Variants in PRKCH observed in about 807,000 individuals in gnomAD.
The protein encoded by PRKCH is protein kinase C eta.
In PRKCH, 28 loss-of-function variants were observed where a neutral mutation model predicts 82.5. That is an observed-to-expected ratio of 0.34 (90% CI 0.25 to 0.47). The LOEUF (loss-of-function observed/expected upper bound fraction) is 0.47. Among genes scored for constraint, PRKCH ranks in the 20% least tolerant of loss-of-function variants. The pLI is 1.00. For synonymous variants in PRKCH, 322 were observed against 327.4 expected (o/e 0.98, Z 0.18); for missense variants, 705 against 881.8 (o/e 0.80, Z 2.54).
At chr14:61,401,836 G>C (rs954826105) in intron 2 of PRKCH, among the ~76,000 whole-genome samples, 3 of 152,190 alleles carry the variant, frequency 2.0e-5, no homozygotes, top group Non-Finnish European at 2.9e-5. Context: ...TGATTGAGTT[G>C]TTAGCTGAGC....
intron 2 of PRKCH, among the ~76,000 whole-genome samples, chr14:61,400,344 A>G (rs529082725): frequency 9.9e-5 from 15 of 152,278 alleles, no homozygotes; most frequent in African/African-American, 3.6e-4. Flanking sequence ...CCTGGTGACA[A>G]GTTGTTGATT....
intron 1 of PRKCH, among the ~76,000 whole-genome samples, chr14:61,325,888 C>G (rs2045689129): frequency 6.6e-6 from 1 of 152,042 alleles, no homozygotes; most frequent in South Asian, 2.1e-4. Context: ...TAAGGAAATG[C>G]AAATTAAAAC....
At chr14:61,238,290 C>T (rs1211309429) in intron 1 of PRKCH, among the ~76,000 whole-genome samples, 1 of 152,194 alleles carries the variant, frequency 6.6e-6, no homozygotes, top group East Asian at 1.9e-4. Context: ...TTTACCCACT[C>T]TTGTGCAAAA....
At chr14:61,212,497 C>T (rs1367127505) in intron 1 of PRKCH, among the ~76,000 whole-genome samples, 2 of 152,206 alleles carry the variant, frequency 1.3e-5, no homozygotes, top group African/African-American at 4.8e-5. Flanking sequence ...TCTGGTTCCA[C>T]TCAAAGGATT....
At chr14:61,540,315 T>A (rs1338041433) in intron 12 of PRKCH, among the ~76,000 whole-genome samples, 3 of 152,234 alleles carry the variant, frequency 2.0e-5, no homozygotes, top group Non-Finnish European at 4.4e-5. Flanking sequence ...TCAGATGAAG[T>A]CCTGAGTGTC....
At chr14:61,483,201 CT>C (rs1195257782) in intron 9 of PRKCH, among the ~76,000 whole-genome samples, 1 of 152,256 alleles carries the variant, frequency 6.6e-6, no homozygotes, top group Non-Finnish European at 1.5e-5. Flanking sequence ...GCAGATGCAG[CT>C]TTTTGGGATG....
At chr14:61,318,378 T>G (rs2045580873), upstream of PRKCH, among the ~76,000 whole-genome samples, 1 of 150,182 alleles carries the variant, frequency 6.7e-6, no homozygotes, top group Non-Finnish European at 1.5e-5. Context: ...TTTTTTTTTT[T>G]TTTTTTGTAG....
In PRKCH at chr14:61,391,306, G is replaced by A. The variant is rs773871338; in HGVS notation, c.427+18G>A. 30 of 1,585,874 alleles carry A rather than the reference G, an allele frequency of 1.9e-5. No homozygotes were observed. Among genetic ancestry groups the A allele is most frequent in the Non-Finnish European group, 1.0e-5 (12 of 1,161,330 alleles). ...CACTGAAGGTAAGAATGAGTTTTGG[G>A]TAGTTTCCAGAATACATGTAATCTT... On this transcript the variant is annotated intron_variant, in intron 2 of 13. Transcript: ENST00000332981.
intron 9 of PRKCH, among the ~76,000 whole-genome samples, chr14:61,467,997 T>C (rs1885334252): frequency 1.3e-5 from 2 of 152,214 alleles, no homozygotes; most frequent in African/African-American, 4.8e-5. Context: ...CTGACCTGAC[T>C]GTCCTGCCAA....
intron 12 of PRKCH, among the ~76,000 whole-genome samples, chr14:61,540,380 C>A (rs1487985022): frequency 2.0e-5 from 3 of 152,148 alleles, no homozygotes; most frequent in Non-Finnish European, 4.4e-5. Context: ...ACCTGTCGGT[C>A]CAAGTATCTT....
intron 12 of PRKCH, among the ~76,000 whole-genome samples, chr14:61,539,390 C>A (rs372712296): frequency 1.3e-5 from 2 of 152,116 alleles, no homozygotes; most frequent in African/African-American, 2.4e-5. Context: ...TGCCCCTGCC[C>A]GCTAGAGGAA....
intron 1 of PRKCH, among the ~76,000 whole-genome samples, chr14:61,383,452 A>G (rs1566849313): frequency 6.6e-6 from 1 of 152,098 alleles, no homozygotes; most frequent in Non-Finnish European, 1.5e-5. Context: ...ATGAAAATGT[A>G]AGTAATTGTT....
At chr14:61,236,590 C>G (rs562310526) in intron 1 of PRKCH, among the ~76,000 whole-genome samples, 1 of 152,022 alleles carries the variant, frequency 6.6e-6, no homozygotes, top group South Asian at 2.1e-4. Context: ...AGCCTGTAAT[C>G]CCAGCTACTT....
At chr14:61,192,976 G>A (rs746732817) in intron 1 of PRKCH, among the ~76,000 whole-genome samples, 1 of 152,178 alleles carries the variant, frequency 6.6e-6, no homozygotes, top group South Asian at 2.1e-4. Context: ...ATGAACATGA[G>A]GTGTCTCCAG....
intron 1 of PRKCH, among the ~76,000 whole-genome samples, chr14:61,328,175 G>A (rs983144967): frequency 3.0e-4 from 45 of 150,234 alleles, no homozygotes; most frequent in Admixed American, 6.6e-4. Flanking sequence ...GCGTGAACCC[G>A]GGAAGCGGAG....
At chr14:61,259,225 T>A (rs2045024252) in intron 1 of PRKCH, among the ~76,000 whole-genome samples, 1 of 152,148 alleles carries the variant, frequency 6.6e-6, no homozygotes, top group South Asian at 2.1e-4. Flanking sequence ...AATGAAACAA[T>A]GTGATGGGCC....
Position 61,507,873 on chromosome 14 carries a change from T to G in PRKCH, c.1434-21202T>G, listed in dbSNP as rs1566919991. Among the ~76,000 whole-genome samples, 3 of 152,114 alleles carry G rather than the reference T, an allele frequency of 2.0e-5. No individual in the cohort carries two copies. In the East Asian group the frequency reaches 5.8e-4, roughly 29 times the overall value. On this transcript the variant is annotated intron_variant, in intron 10 of 13. Coordinates refer to ENST00000332981, the MANE Select transcript of PRKCH (RefSeq NM_006255.5). ...TACTGTACAACATAAGACCTATGATTAACAATGCTGTACTGTATACTTAAA... is the reference window on the plus strand; with the variant it reads ...TACTGTACAACATAAGACCTATGATGAACAATGCTGTACTGTATACTTAAA...
At chr14:61,479,296 TA>T (rs1885863799) in intron 9 of PRKCH, among the ~76,000 whole-genome samples, 5 of 152,204 alleles carry the variant, frequency 3.3e-5, no homozygotes. Flanking sequence ...TAGACTAAAT[TA>T]AAAGCTTTTT....
At chr14:61,339,794 C>T (rs946735034) in intron 1 of PRKCH, among the ~76,000 whole-genome samples, 1 of 150,884 alleles carries the variant, frequency 6.6e-6, no homozygotes, top group Non-Finnish European at 1.5e-5. Flanking sequence ...CATCCTCTTA[C>T]CCCAGCCTCC....
Sources: allele counts gnomAD v4.1 joint callset (sites outside exome capture counted in the v4.1 genomes callset), GRCh38; gene constraint gnomAD v4.1.1; transcripts MANE v1.5; gene names NCBI Gene and HGNC (gene_info 2026-07-23, HGNC 2026-07-21).